The following TRPS1 variants were observed in gnomAD, a reference collection of about 807,000 sequenced individuals.
TRPS1 encodes transcriptional repressor GATA binding 1, also known as zinc finger transcription factor Trps1.
TRPS1 carries 6 observed loss-of-function variants against 101.2 expected under a neutral mutation model. The observed-to-expected ratio is 0.06, with a 90% CI of 0.03 to 0.12. The LOEUF (loss-of-function observed/expected upper bound fraction) is 0.12. Ranked by LOEUF, TRPS1 falls within the 10% of genes least tolerant of loss-of-function variation. The pLI, the probability that TRPS1 is intolerant of heterozygous loss-of-function variation, is 1.00. For missense variants in TRPS1, 1,363 were observed against 1,567.0 expected (o/e 0.87, Z 2.20); for synonymous variants, 578 against 589.8 (o/e 0.98, Z 0.29).
intron 5 of TRPS1, among the ~76,000 whole-genome samples, chr8:115,532,927 G>A (rs1816170518): frequency 6.6e-6 from 1 of 152,146 alleles, no homozygotes; most frequent in Non-Finnish European, 1.5e-5. Flanking sequence ...TTACTCTGTT[G>A]GCAGAGTAGA....
At chr8:115,515,676 A>G (rs377035704) in intron 5 of TRPS1, among the ~76,000 whole-genome samples, 14 of 151,640 alleles carry the variant, frequency 9.2e-5, no homozygotes, top group East Asian at 5.8e-4. Flanking sequence ...GTGGTTTAAT[A>G]TTTATTAAAG....
chr8:115,469,025 C>A (rs1814397336), intron 5 of TRPS1, among the ~76,000 whole-genome samples: 1 of 152,122 alleles, frequency 6.6e-6, no homozygotes, highest in African/African-American at 2.4e-5. Flanking sequence ...ACCTGTGGTA[C>A]CAGCTACTTC....
intron 1 of TRPS1, among the ~76,000 whole-genome samples, chr8:115,658,821 A>G (rs1009128512): frequency 4.5e-4 from 69 of 152,150 alleles, no homozygotes; most frequent in African/African-American, 1.6e-3. Context: ...TATGTATAAC[A>G]CTAAAAAGCT....
At chr8:115,451,085 T>C (rs545056499) in intron 5 of TRPS1, among the ~76,000 whole-genome samples, 1 of 152,334 alleles carries the variant, frequency 6.6e-6, no homozygotes, top group East Asian at 1.9e-4. Context: ...TTTAATGTTA[T>C]TTACAAAGAT....
intron 5 of TRPS1, among the ~76,000 whole-genome samples, chr8:115,447,334 T>C (rs2129910954): frequency 6.6e-6 from 1 of 152,338 alleles, no homozygotes; most frequent in South Asian, 2.1e-4. Context: ...AAATTTCATA[T>C]GTAAGAACAC....
intron 1 of TRPS1, among the ~76,000 whole-genome samples, chr8:115,648,355 C>G (rs1811473629): frequency 6.6e-6 from 1 of 152,194 alleles, no homozygotes; most frequent in Non-Finnish European, 1.5e-5. Flanking sequence ...CCGGAGGGAA[C>G]GGGCGCACAC....
chr8:115,650,772 G>A (rs1456671889), intron 1 of TRPS1, among the ~76,000 whole-genome samples: 2 of 152,132 alleles, frequency 1.3e-5, no homozygotes, highest in Admixed American at 1.3e-4. Context: ...TGAGGGAAAC[G>A]TGAATATTAA....
rs561693108 is a variant in TRPS1, at chr8:115,418,787, A to G, written c.2701-335T>C. On this transcript the variant is annotated intron_variant, in intron 5 of 6. Coordinates refer to ENST00000395715, the MANE Select transcript of TRPS1 (RefSeq NM_014112.5). This position sits in a 1 kb window ranked among gnomAD's most constrained non-coding sequence, Gnocchi z 4.3. ...AAAAGTGTCAAAACATACGTCAAAA[A>G]GACAGAACATGGCAATATGTTTAAT... Among the ~76,000 whole-genome samples the G allele has an allele frequency of 6.6e-6, 1 of 152,350 alleles. No homozygotes were observed. The highest frequency in any genetic ancestry group is 2.4e-5 in the African/African-American group (1 of 41,592).
chr8:115,484,920 ACTGCAGCTC>A (rs987576945), intron 5 of TRPS1, among the ~76,000 whole-genome samples: 27 of 152,178 alleles, frequency 1.8e-4, no homozygotes, highest in African/African-American at 6.3e-4. Flanking sequence ...AGTTATGGAT[ACTGCAGCTC>A]CTTGTAGTAG....
chr8:115,665,763 C>CA (rs931248593), intron 1 of TRPS1, among the ~76,000 whole-genome samples: 1 of 152,070 alleles, frequency 6.6e-6, no homozygotes, highest in African/African-American at 2.4e-5. Flanking sequence ...CTTTAAGAGA[C>CA]AAAGGACAAA....
At chr8:115,499,629 C>A (rs7813434) in intron 5 of TRPS1, among the ~76,000 whole-genome samples, 86,619 of 152,056 alleles carry the variant, frequency 0.57, 25,165 homozygotes, top group East Asian at 0.84. Context: ...GAACCACAAG[C>A]TAGGGATTGA....
At chr8:115,476,422 C>G (rs895823889) in intron 5 of TRPS1, among the ~76,000 whole-genome samples, 1 of 152,124 alleles carries the variant, frequency 6.6e-6, no homozygotes, top group East Asian at 1.9e-4. Flanking sequence ...ATATTGAGCT[C>G]AAATTGGGAC....
At chr8:115,478,608 A>G (rs1275883400) in intron 5 of TRPS1, among the ~76,000 whole-genome samples, 1 of 152,042 alleles carries the variant, frequency 6.6e-6, no homozygotes, top group Non-Finnish European at 1.5e-5. Context: ...GTTTGAGACC[A>G]GCCCGGCCAA....
At chr8:115,494,249 C>T (rs544348861) in intron 5 of TRPS1, among the ~76,000 whole-genome samples, 2 of 152,350 alleles carry the variant, frequency 1.3e-5, no homozygotes, top group East Asian at 3.9e-4. Flanking sequence ...GCAGCTAATA[C>T]ACACATTCCA....
At chr8:115,626,853 T>C (rs1233454799) in intron 1 of TRPS1, among the ~76,000 whole-genome samples, 1 of 151,762 alleles carries the variant, frequency 6.6e-6, no homozygotes, top group Non-Finnish European at 1.5e-5. Flanking sequence ...TTTTATTTCA[T>C]CTTGCTATGT....
chr8:115,660,574 A>G (rs1811769763), intron 1 of TRPS1, among the ~76,000 whole-genome samples: 1 of 151,916 alleles, frequency 6.6e-6, no homozygotes. Context: ...TAACAGATAA[A>G]GCTATTATGA....
At chr8:115,606,716 A>T (rs572985281) in intron 3 of TRPS1, among the ~76,000 whole-genome samples, 3 of 152,106 alleles carry the variant, frequency 2.0e-5, no homozygotes, top group African/African-American at 7.2e-5. Flanking sequence ...ACTGAAATAT[A>T]ATTCATAATA....
chr8:115,510,013 A>AT (rs1250973702), intron 5 of TRPS1, among the ~76,000 whole-genome samples: 13 of 152,018 alleles, frequency 8.6e-5, no homozygotes, highest in Middle Eastern at 3.2e-3. Context: ...TTGAACCCTG[A>AT]TTAACAAGGA....
intron 5 of TRPS1, among the ~76,000 whole-genome samples, chr8:115,429,568 C>G (rs1347047417): frequency 6.6e-6 from 1 of 152,104 alleles, no homozygotes; most frequent in South Asian, 2.1e-4. Context: ...GCCCCTCAGT[C>G]ATCCGTACCA....
Sources: gnomAD v4.1 joint callset for allele counts (sites outside exome capture counted in the v4.1 genomes callset) on GRCh38, gnomAD v4.1.1 for gene constraint, Gnocchi (gnomAD v3.1) non-coding constraint, MANE v1.5 for transcripts, NCBI Gene and HGNC (gene_info 2026-07-23, HGNC 2026-07-21) for gene names.